The following GAP43 variants were observed in gnomAD, a reference collection of about 807,000 sequenced individuals.
The protein encoded by GAP43 is neuromodulin.
Under a neutral mutation model 18.6 loss-of-function variants are expected in GAP43, and 6 were observed. The observed-to-expected ratio is 0.32, with a 90% CI of 0.18 to 0.64. GAP43 has a LOEUF of 0.64. Ranked by LOEUF, GAP43 falls within the 30% of genes least tolerant of loss-of-function variation. The pLI, the probability that GAP43 is intolerant of heterozygous loss-of-function variation, is 0.78. For synonymous variants in GAP43, 115 were observed against 111.4 expected, an observed-to-expected ratio of 1.03 and a Z score of -0.20; for missense variants, 292 against 295.5, an observed-to-expected ratio of 0.99 and a Z score of 0.09.
At chr3:115,656,975 C>T (rs1250089064) in intron 1 of GAP43, among the ~76,000 whole-genome samples, 2 of 152,160 alleles carry the variant, frequency 1.3e-5, no homozygotes, top group South Asian at 2.1e-4. Context: ...CACGTACTTG[C>T]GTATAATTTC....
At chr3:115,657,650 T>C (rs1708600506) in intron 1 of GAP43, among the ~76,000 whole-genome samples, 1 of 152,142 alleles carries the variant, frequency 6.6e-6, no homozygotes, top group Admixed American at 6.5e-5. Context: ...TGTGATGAGA[T>C]TTGGCCTTGC....
intron 1 of GAP43, among the ~76,000 whole-genome samples, chr3:115,635,168 C>G (rs1335178778): frequency 6.6e-6 from 1 of 151,982 alleles, no homozygotes; most frequent in South Asian, 2.1e-4. Flanking sequence ...CTTGTTTATC[C>G]TAATAAAAGA....
At chr3:115,675,555 G>A (rs577118501) in intron 1 of GAP43, among the ~76,000 whole-genome samples, 43 of 152,172 alleles carry the variant, frequency 2.8e-4, no homozygotes, top group African/African-American at 1.0e-3. Flanking sequence ...GAGGTCAGGA[G>A]TTTGAGACCA....
At chr3:115,643,297 AC>A (rs1436024134) in intron 1 of GAP43, among the ~76,000 whole-genome samples, 1 of 151,942 alleles carries the variant, frequency 6.6e-6, no homozygotes, top group Non-Finnish European at 1.5e-5. Flanking sequence ...GTATCTACAG[AC>A]CCATGCTCTA....
At chr3:115,675,727 C>A (rs1209158818) in intron 1 of GAP43, among the ~76,000 whole-genome samples, 1 of 134,044 alleles carries the variant, frequency 7.5e-6, no homozygotes, top group Non-Finnish European at 1.5e-5. Flanking sequence ...CCATTGTACT[C>A]CAGCCTGGGT....
At chr3:115,687,131 A>G (rs775586798) in intron 2 of GAP43, among the ~76,000 whole-genome samples, 1 of 136,408 alleles carries the variant, frequency 7.3e-6, no homozygotes, top group African/African-American at 2.8e-5. Flanking sequence ...TTTTTTTTGC[A>G]TCTATCCCTA....
chr3:115,688,399 A>T (rs1442835953), intron 2 of GAP43, among the ~76,000 whole-genome samples: 1 of 152,096 alleles, frequency 6.6e-6, no homozygotes, highest in East Asian at 1.9e-4. Flanking sequence ...TTTTAGTTAT[A>T]CTCCAGTGTC....
chr3:115,694,175 G>T (rs1014877867), intron 2 of GAP43, among the ~76,000 whole-genome samples: 1 of 152,198 alleles, frequency 6.6e-6, no homozygotes, highest in Non-Finnish European at 1.5e-5. Flanking sequence ...AGTGGCTGCC[G>T]CTGCTGTTAC....
intron 2 of GAP43, among the ~76,000 whole-genome samples, chr3:115,700,586 A>G (rs898513833): frequency 6.6e-6 from 1 of 152,128 alleles, no homozygotes; most frequent in African/African-American, 2.4e-5. Context: ...CTTGGCTGTA[A>G]GTGGTTGATG....
intron 2 of GAP43, among the ~76,000 whole-genome samples, chr3:115,702,934 A>T (rs1709313808): frequency 6.6e-6 from 1 of 152,056 alleles, no homozygotes; most frequent in Admixed American, 6.6e-5. Flanking sequence ...GACGCAAGTC[A>T]TATGGAGAAG....
intron 2 of GAP43, among the ~76,000 whole-genome samples, chr3:115,695,884 C>G (rs1709182078): frequency 6.6e-6 from 1 of 152,192 alleles, no homozygotes; most frequent in South Asian, 2.1e-4. Flanking sequence ...CTTTGAAACA[C>G]TTTCATGATT....
chr3:115,694,395 AT>A lies in GAP43; in HGVS notation c.628+17788del, dbSNP rs567136400. ...AAAATGTGAAGCCAACCTAATGCAT[AT>A]TTGATAGCTTTGAATTACTCAGTCT... is the stretch of plus-strand genomic sequence containing the variant. On this transcript the variant is annotated intron_variant, in intron 2 of 2. Transcript: ENST00000305124. Among the ~76,000 whole-genome samples the A allele has an allele frequency of 9.2e-5, 14 of 152,370 alleles. No individual in the cohort carries two copies. The East Asian group carries it at 2.7e-3, about 29-fold the overall frequency.
At chr3:115,666,045 C>G (rs1339216907) in intron 1 of GAP43, among the ~76,000 whole-genome samples, 1 of 145,604 alleles carries the variant, frequency 6.9e-6, no homozygotes, top group Non-Finnish European at 1.5e-5. Flanking sequence ...TGGGGGATGT[C>G]AGGTGAAGGT....
At chr3:115,649,823 AAAG>A (rs1404548011) in intron 1 of GAP43, among the ~76,000 whole-genome samples, 2 of 13,272 alleles carry the variant, frequency 1.5e-4, no homozygotes, top group Non-Finnish European at 3.9e-4. Flanking sequence ...AAAAAAAAAA[AAAG>A]AAAGAAAGAA....
intron 2 of GAP43, among the ~76,000 whole-genome samples, chr3:115,717,581 T>C (rs371440128): frequency 1.3e-5 from 2 of 151,988 alleles, no homozygotes; most frequent in African/African-American, 4.8e-5. Flanking sequence ...AGTGCTGGGA[T>C]TACAGGTGTG....
intron 2 of GAP43, among the ~76,000 whole-genome samples, chr3:115,684,665 C>T (rs748330238): frequency 3.9e-5 from 6 of 152,076 alleles, no homozygotes; most frequent in African/African-American, 7.2e-5. Context: ...GAGTAATGGT[C>T]GTTTCTCGGC....
intron 2 of GAP43, among the ~76,000 whole-genome samples, chr3:115,716,536 C>T (rs1489284181): frequency 6.6e-6 from 1 of 150,696 alleles, no homozygotes; most frequent in East Asian, 2.0e-4. Context: ...TACATTGTTT[C>T]CTCCATCCAT....
Position 115,676,319 on chromosome 3 carries a change from A to G in GAP43, c.337A>G (p.Lys113Glu), listed in dbSNP as rs200009823. 6.2e-7 allele frequency: 1 copy of G among 1,614,102 alleles called. No individual in the cohort carries two copies. Among genetic ancestry groups the G allele is most frequent in the East Asian group, 2.2e-5 (1 of 44,868 alleles). The part of the protein sequence containing the change: ...KAGETPSEEK[K>E]GEGDAATEQA... ...AGGAGAAACTCCTTCCGAGGAGAAG[A>G]AGGGGGAGGGTGATGCTGCCACAGA... is the stretch of plus-strand genomic sequence containing the variant. Residue 113 changes from lysine to glutamate, a missense_variant, in exon 2 of 3, where the codon AAG becomes GAG. Physicochemically the swap from Lys to Glu is moderately conservative, Grantham distance 56. Coordinates refer to ENST00000305124, the MANE Select transcript of GAP43 (RefSeq NM_002045.4).
Position 115,720,839 on chromosome 3 carries a change from A to C in GAP43, c.674A>C (p.Glu225Ala), listed in dbSNP as rs145861080. ...TKPKESARQD[E>A]GKEEEPEADQ... Reference sequence around the variant, plus strand: ...CCTAAGGAAAGTGCCCGGCAGGACGAGGGTAAAGAAGAGGAACCTGAGGCT... The same window carrying C: ...CCTAAGGAAAGTGCCCGGCAGGACGCGGGTAAAGAAGAGGAACCTGAGGCT... The change falls in exon 3 of 3, where the codon GAG becomes GCG. Residue 225 changes from glutamate (E) to alanine (A), a missense_variant. Glu to Ala is a moderately radical substitution (Grantham distance 107, BLOSUM62 -1). Transcript: ENST00000305124. 1.4e-4 allele frequency: 222 copies of C among 1,613,162 alleles called. No individual in the cohort carries two copies. Among genetic ancestry groups the C allele is most frequent in the Non-Finnish European group, 1.8e-4 (213 of 1,179,394 alleles).
Sources: allele counts gnomAD v4.1 joint callset (sites outside exome capture counted in the v4.1 genomes callset), GRCh38; gene constraint gnomAD v4.1.1; transcripts MANE v1.5; gene names NCBI Gene and HGNC (gene_info 2026-07-23, HGNC 2026-07-21).